The following ANKRD1 variants were observed in gnomAD, a reference collection of about 807,000 sequenced individuals.
ANKRD1 encodes ankyrin repeat domain-containing protein 1.
Under a neutral mutation model 40.1 loss-of-function variants are expected in ANKRD1, and 32 were observed. The observed-to-expected ratio is 0.80, with a 90% CI of 0.60 to 1.07. ANKRD1 has a LOEUF of 1.07. ANKRD1 is among the 50% of genes least tolerant of loss of function. The pLI is 0.00. For synonymous variants in ANKRD1, 149 were observed against 141.2 expected (o/e 1.06, Z -0.39); for missense variants, 359 against 386.0 (o/e 0.93, Z 0.59).
intron 3 of ANKRD1, 42 bp from the exon 4 acceptor site, chr10:90,919,014 A>ATATATATATATATATATATG (rs753813796): frequency 2.9e-5 from 43 of 1,459,310 alleles, no homozygotes; most frequent in Admixed American, 3.6e-5. Context: ...ATATATATAT[A>ATATATATATATATATATATG]TAGCATGAGA....
chr10:90,914,112 A>G (rs77143148), intron 8 of ANKRD1, among the ~76,000 whole-genome samples: 2,078 of 152,302 alleles, frequency 0.014, 48 homozygotes, highest in African/African-American at 0.047. Context: ...TCTAGGAACA[A>G]TCATCAGTAG....
rs369640260 is a variant in ANKRD1, at chr10:90,920,351, A to C, written c.28-3T>G. 1.9e-6 allele frequency: 3 copies of C among 1,613,934 alleles called. No individual in the cohort carries two copies. The highest frequency in any genetic ancestry group is 1.7e-5 in the Admixed American group (1 of 60,000). ...TTGCCATTCTTCTTTCCAGTGACCT[A>C]TGAGGGAAGAAGATGGCAGCGTCAG... On this transcript the variant is annotated splice_polypyrimidine_tract_variant and splice_region_variant and intron_variant, in intron 1 of 8. Transcript: ENST00000371697.
chr10:90,917,860 A>T (rs1564574281), intron 4 of ANKRD1, 30 bp from the exon 5 acceptor site: 1 of 1,560,680 alleles, frequency 6.4e-7, no homozygotes, highest in Non-Finnish European at 8.8e-7. Flanking sequence ...AAACAGAGAT[A>T]GCAATAAATA....
chr10:90,916,183 G>A lies in ANKRD1; in HGVS notation c.639C>T (p.Ser213=). Reference sequence around the variant, plus strand: ...GAAGAAGGAATACCTTATCTCGGGCGCTAATTTTTGCTCCTTTATTCAGCA... The same window carrying A: ...GAAGAAGGAATACCTTATCTCGGGCACTAATTTTTGCTCCTTTATTCAGCA... ...KLLLNKGAKI[S]ARDKLLSTAL... Residue 213 remains serine, a synonymous_variant, in exon 6 of 9, where the codon AGC becomes AGT. Coordinates refer to ENST00000371697, the MANE Select transcript of ANKRD1 (RefSeq NM_014391.3). The A allele has an allele frequency of 1.9e-6, 3 of 1,613,148 alleles. No homozygotes were observed. Among genetic ancestry groups the A allele is most frequent in the Non-Finnish European group, 2.5e-6 (3 of 1,179,264 alleles).
chr10:90,912,865 C>T lies in ANKRD1; in HGVS notation c.*1G>A, dbSNP rs1295170552. On this transcript the variant is annotated 3_prime_UTR_variant, in exon 9 of 9. Transcript: ENST00000371697. ...TACTGATTAAGAGTCTGTCGTTTGC[C>T]TCAGAATGTAGCTATGCGAGAGGTC... The T allele has an allele frequency of 1.2e-6, 2 of 1,613,726 alleles. No individual in the cohort carries two copies. The highest frequency in any genetic ancestry group is 1.7e-6 in the Non-Finnish European group (2 of 1,179,680).
chr10:90,919,857 A>G (rs932568035), intron 2 of ANKRD1, among the ~76,000 whole-genome samples: 1 of 152,236 alleles, frequency 6.6e-6, no homozygotes, highest in Non-Finnish European at 1.5e-5. Context: ...CATGTTATTG[A>G]GAAAAAGAGA....
Position 90,912,801 on chromosome 10 carries a change from CTT to C in ANKRD1, c.*63_*64del. On this transcript the variant is annotated 3_prime_UTR_variant, in exon 9 of 9. Coordinates refer to ENST00000371697, the MANE Select transcript of ANKRD1 (RefSeq NM_014391.3). ...AAACTAGATTTTATGGCTAGTGTCT[CTT>C]CTCTTGGGCCATGCCTTCAAAATGC... 2 of 1,430,392 alleles carry C rather than the reference CTT, an allele frequency of 1.4e-6. No homozygotes were observed. The highest frequency in any genetic ancestry group is 1.1e-5 in the South Asian group (1 of 87,060). 88.6% of individuals were successfully genotyped at this position (1,430,392 alleles called of 1,614,324 possible). A position where few individuals can be genotyped will look rare whatever the true frequency, so the allele number is the denominator to read the frequency against.
chr10:90,917,747 G>A lies in ANKRD1; in HGVS notation c.537C>T (p.Ile179=), dbSNP rs1847387582. Residue 179 remains isoleucine, a synonymous_variant, in exon 5 of 9, where the codon ATC becomes ATT. Transcript: ENST00000371697. Reference sequence around the variant, plus strand: ...ATATATTTACCATATCACGGAATTCGATCTGGGCTCCAGCTTCCATTAACT... The same window carrying A: ...ATATATTTACCATATCACGGAATTCAATCTGGGCTCCAGCTTCCATTAACT... The part of the protein sequence containing the change: ...VEKLMEAGAQ[I]EFRDMLESTA... 2 of 1,613,808 alleles carry A rather than the reference G, an allele frequency of 1.2e-6. No individual in the cohort carries two copies. Among genetic ancestry groups the A allele is most frequent in the East Asian group, 4.5e-5 (2 of 44,864 alleles).
chr10:90,917,929 T>C, intron 4 of ANKRD1, 99 bp from the exon 5 acceptor site: 1 of 923,148 alleles, frequency 1.1e-6, no homozygotes, highest in Non-Finnish European at 1.7e-6. Flanking sequence ...ATGACCTAAC[T>C]GATAGAAACT....
Position 90,915,574 on chromosome 10 carries a change from A to G in ANKRD1, c.818T>C (p.Met273Thr), listed in dbSNP as rs183061595. The change falls in exon 8 of 9, where the codon ATG becomes ACG. Residue 273 changes from methionine to threonine, a missense_variant. By Grantham distance (81) the Met-to-Thr change is moderately conservative (BLOSUM62 -1). Coordinates refer to ENST00000371697, the MANE Select transcript of ANKRD1 (RefSeq NM_014391.3). ...NRYKMIRLLI[M>T]YGADLNIKNC... ...CTTGATGTTGAGATCCGCGCCATACATAATCAGGAGTCGGATCATCTTATA... is the reference window on the plus strand; with the variant it reads ...CTTGATGTTGAGATCCGCGCCATACGTAATCAGGAGTCGGATCATCTTATA... 7.2e-5 allele frequency: 117 copies of G among 1,614,068 alleles called. No individual in the cohort carries two copies. In the African/African-American group the frequency reaches 1.2e-3, roughly 16 times the overall value.
In ANKRD1 at chr10:90,912,511, T is replaced by A. The variant is rs1312390507; in HGVS notation, c.*355A>T. ...AACTCTTACATGAGCGAATGACACA[T>A]AAGTAGGCACTTGAACTTTGCTCTT... On this transcript the variant is annotated 3_prime_UTR_variant, in exon 9 of 9. Coordinates refer to ENST00000371697, the MANE Select transcript of ANKRD1 (RefSeq NM_014391.3). 1.3e-5 allele frequency: 4 copies of A among 300,082 alleles called. No individual in the cohort carries two copies. Among genetic ancestry groups the A allele is most frequent in the Non-Finnish European group, 2.6e-5 (4 of 154,424 alleles). 18.6% of individuals were successfully genotyped at this position (300,082 alleles called of 1,614,324 possible).
At position 90,912,351 on chromosome 10, in the gene ANKRD1, A is replaced by G. The variant is rs900980480; in HGVS notation, c.*515T>C. The stretch of plus-strand genomic sequence containing the variant: ...GCCTGGGGGTAAAATAGCTGGCTTC[A>G]CTGTCCTTTTCACAGAATCACTTTC... On this transcript the variant is annotated 3_prime_UTR_variant, in exon 9 of 9. Coordinates refer to ENST00000371697, the MANE Select transcript of ANKRD1 (RefSeq NM_014391.3). 2.7e-5 allele frequency: 4 copies of G among 146,802 alleles called. No individual in the cohort carries two copies. Among genetic ancestry groups the G allele is most frequent in the African/African-American group, 1.0e-4 (4 of 39,428 alleles). 9.1% of individuals were successfully genotyped at this position (146,802 alleles called of 1,614,324 possible). A position where few individuals can be genotyped will look rare whatever the true frequency, so the allele number is the denominator to read the frequency against.
At chr10:90,919,712 AAC>A (rs1285014890) in intron 2 of ANKRD1, among the ~76,000 whole-genome samples, 5 of 152,266 alleles carry the variant, frequency 3.3e-5, no homozygotes, top group Non-Finnish European at 7.3e-5. Flanking sequence ...AGCCTTCTAA[AAC>A]AGACTGTCCA....
chr10:90,913,009 A>C (rs1272289921), intron 8 of ANKRD1, 33 bp from the exon 9 acceptor site: 26 of 1,581,222 alleles, frequency 1.6e-5, no homozygotes, highest in Non-Finnish European at 1.8e-5. Context: ...GTTGACTTTC[A>C]GGTGGGTGAC....
In ANKRD1 at chr10:90,919,362, C is replaced by T. The variant is rs547685796; in HGVS notation, c.208-94G>A. Reference sequence around the variant, plus strand: ...CTAAATCTGCAAGGTCTGAGATAAACATGTGAACAGTTTGAGCAAAAACAT... The same window carrying T: ...CTAAATCTGCAAGGTCTGAGATAAATATGTGAACAGTTTGAGCAAAAACAT... On this transcript the variant is annotated intron_variant, in intron 2 of 8. Transcript: ENST00000371697. The T allele has an allele frequency of 6.4e-5, 71 of 1,116,210 alleles. No homozygotes were observed. The African/African-American group carries it at 8.5e-4, about 13-fold the overall frequency. 69.1% of individuals were successfully genotyped at this position (1,116,210 alleles called of 1,614,324 possible).
At chr10:90,917,176 A>G (rs1847382164) in intron 5 of ANKRD1, among the ~76,000 whole-genome samples, 1 of 152,112 alleles carries the variant, frequency 6.6e-6, no homozygotes, top group Non-Finnish European at 1.5e-5. Flanking sequence ...TACATAAAGA[A>G]TTTTCCCAGC....
chr10:90,913,039 C>G, intron 8 of ANKRD1, 63 bp from the exon 9 acceptor site: 3 of 1,429,424 alleles, frequency 2.1e-6, no homozygotes, highest in Non-Finnish European at 3.0e-6. Context: ...TTCACATTCT[C>G]TGTGTGTGTT....
intron 4 of ANKRD1, 66 bp downstream of exon 4, chr10:90,918,799 T>C: frequency 7.7e-7 from 1 of 1,291,904 alleles, no homozygotes; most frequent in Non-Finnish European, 1.1e-6. Context: ...TTAGCAAGAC[T>C]GGAGTAAAGC....
At chr10:90,917,649 G>T in intron 5 of ANKRD1, 83 bp downstream of exon 5, 1 of 1,159,058 alleles carries the variant, frequency 8.6e-7, no homozygotes, top group Non-Finnish European at 1.3e-6. Context: ...AATCCAATCA[G>T]CTCGGTTTTG....
Sources: allele counts gnomAD v4.1 joint callset (sites outside exome capture counted in the v4.1 genomes callset), GRCh38; gene constraint gnomAD v4.1.1; transcripts MANE v1.5; gene names NCBI Gene and HGNC (gene_info 2026-07-23, HGNC 2026-07-21).